Variants in NEK1 observed in about 807,000 individuals in gnomAD.
NEK1 encodes the protein NIMA related kinase 1.
Under a neutral mutation model 182.1 loss-of-function variants are expected in NEK1, and 137 were observed. That is an observed-to-expected ratio of 0.75 (90% CI 0.65 to 0.87). The LOEUF (loss-of-function observed/expected upper bound fraction) is 0.87, where lower values mean the gene tolerates loss of function less well. Ranked by LOEUF, NEK1 falls within the 40% of genes least tolerant of loss-of-function variation. NEK1 has a pLI of 0.00. For synonymous variants in NEK1, 513 were observed against 492.2 expected (o/e 1.04, Z -0.56); for missense variants, 1,391 against 1,494.4 (o/e 0.93, Z 1.14).
At chr4:169,450,596 C>G (rs4619852) in intron 27 of NEK1, among the ~76,000 whole-genome samples, 27,936 of 151,904 alleles carry the variant, frequency 0.18, 3,724 homozygotes, top group African/African-American at 0.38. Context: ...ATAAGTGAAG[C>G]AGAAATAAAA....
intron 2 of NEK1, among the ~76,000 whole-genome samples, chr4:169,606,412 A>C (rs1482640826): frequency 6.6e-6 from 1 of 151,972 alleles, no homozygotes; most frequent in Non-Finnish European, 1.5e-5. Flanking sequence ...CAACTGACTT[A>C]GGAGAATAGA....
At chr4:169,596,974 T>C (rs1253721765) in intron 5 of NEK1, among the ~76,000 whole-genome samples, 1 of 151,912 alleles carries the variant, frequency 6.6e-6, no homozygotes, top group Non-Finnish European at 1.5e-5. Context: ...GAAGACAAGA[T>C]ACACACACAC....
At chr4:169,417,667 T>C (rs192704904) in intron 31 of NEK1, among the ~76,000 whole-genome samples, 1 of 152,344 alleles carries the variant, frequency 6.6e-6, no homozygotes, top group South Asian at 2.1e-4. Context: ...ATTTATCTTC[T>C]GGAGACTTCC....
At chr4:169,429,918 T>A (rs1376730994) in intron 29 of NEK1, among the ~76,000 whole-genome samples, 2 of 152,198 alleles carry the variant, frequency 1.3e-5, no homozygotes, top group African/African-American at 4.8e-5. Flanking sequence ...AAAAATTTTT[T>A]ATTTAGGTCT....
At chr4:169,452,741 T>G (rs1242066564) in intron 27 of NEK1, among the ~76,000 whole-genome samples, 1 of 152,212 alleles carries the variant, frequency 6.6e-6, no homozygotes, top group Non-Finnish European at 1.5e-5. Context: ...GCATTCCCTT[T>G]GAAAACTGGC....
chr4:169,478,253 A>C (rs1450454716), intron 24 of NEK1: 1 of 152,140 alleles, frequency 6.6e-6, no homozygotes, highest in Non-Finnish European at 1.5e-5. Context: ...CCGTTCAGTT[A>C]TATGGATTAC....
rs72692966 is a variant in NEK1 at position 169,579,101 on chromosome 4, T to G, written c.868+1741A>C. 3.6e-3 allele frequency among the ~76,000 whole-genome samples: 545 copies of G among 152,302 alleles called. 3 individuals carry two copies. Among genetic ancestry groups the G allele is most frequent in the South Asian group, 0.022 (104 of 4,822 alleles). ...CAAATATGAACAGTCCCATCTACTT[T>G]CCAGAGAAAAGAAAGAATTACTTAT... On this transcript the variant is annotated intron_variant, in intron 11 of 35. Coordinates refer to ENST00000507142, the MANE Select transcript of NEK1 (RefSeq NM_001199397.3).
intron 5 of NEK1, among the ~76,000 whole-genome samples, chr4:169,591,691 TA>T (rs765740415): frequency 7.9e-5 from 12 of 151,552 alleles, no homozygotes; most frequent in Non-Finnish European, 1.8e-4. Context: ...AAAAAAATAA[TA>T]AAAGAAAACA....
At chr4:169,557,871 C>T (rs113324536) in intron 16 of NEK1, among the ~76,000 whole-genome samples, 10,873 of 152,178 alleles carry the variant, frequency 0.071, 1,274 homozygotes, top group African/African-American at 0.25. Flanking sequence ...GTCAAGGCTA[C>T]AGTGAGTCAT....
At chr4:169,433,809 G>T (rs898096285) in intron 28 of NEK1, 144 bp from the exon 29 acceptor site, 25 of 750,016 alleles carry the variant, frequency 3.3e-5, no homozygotes, top group Middle Eastern at 3.8e-4. Flanking sequence ...TCTCTATAGG[G>T]TTTAACTCTT....
At chr4:169,456,353 A>G (rs1390559850) in intron 27 of NEK1, among the ~76,000 whole-genome samples, 1 of 152,152 alleles carries the variant, frequency 6.6e-6, no homozygotes, top group Non-Finnish European at 1.5e-5. Context: ...AGAAGAAAAG[A>G]AATAATAAAG....
In NEK1 at chr4:169,477,206, A is replaced by T. The variant is rs368611367; in HGVS notation, c.2352T>A (p.Asp784Glu). ...EHEKEKSVSS[D>E]RKKWEAGGQL... ...GACCTCCTGCCTCCCACTTCTTGCG[A>T]TCAGATGAAACTGATTTTTCTTTTT... The change falls in exon 26 of 36, where the codon GAT (aspartate) becomes GAA (glutamate). Residue 784 changes from aspartate to glutamate, a missense_variant. Coordinates refer to ENST00000507142, the MANE Select transcript of NEK1 (RefSeq NM_001199397.3). 7.5e-6 allele frequency: 12 copies of T among 1,607,780 alleles called. No individual in the cohort carries two copies. Among genetic ancestry groups the T allele is most frequent in the Non-Finnish European group, 9.3e-6 (11 of 1,176,724 alleles).
At chr4:169,585,649 G>A in intron 9 of NEK1, 100 bp from the exon 10 acceptor site, 2 of 699,186 alleles carry the variant, frequency 2.9e-6, no homozygotes, top group Non-Finnish European at 2.3e-6. Flanking sequence ...ATATAGAATA[G>A]AAACACAATC....
intron 35 of NEK1, among the ~76,000 whole-genome samples, chr4:169,396,613 C>T (rs577272185): frequency 2.6e-4 from 39 of 152,172 alleles, no homozygotes; most frequent in Admixed American, 5.2e-4. Flanking sequence ...ACTTTATCAA[C>T]GGCTGAAGAT....
intron 19 of NEK1, among the ~76,000 whole-genome samples, chr4:169,527,494 G>T (rs781503433): frequency 2.0e-5 from 3 of 152,020 alleles, no homozygotes; most frequent in African/African-American, 7.2e-5. Flanking sequence ...GTCTGCTAAC[G>T]TAATACAAGA....
intron 18 of NEK1, among the ~76,000 whole-genome samples, chr4:169,544,611 T>G (rs1222857134): frequency 1.1e-4 from 16 of 146,442 alleles, no homozygotes; most frequent in South Asian, 2.2e-4. Flanking sequence ...TTTTTTTTTT[T>G]TTTTTTTTTT....
chr4:169,452,495 A>C (rs928676922), intron 27 of NEK1, among the ~76,000 whole-genome samples: 9 of 152,218 alleles, frequency 5.9e-5, no homozygotes, highest in Non-Finnish European at 1.3e-4. Context: ...CCTGGGATGC[A>C]AGTCTGGTTC....
intron 11 of NEK1, among the ~76,000 whole-genome samples, chr4:169,580,494 C>CAAAA (rs11348370): frequency 7.6e-5 from 5 of 65,818 alleles, no homozygotes; most frequent in Non-Finnish European, 1.2e-4. Flanking sequence ...AACTTCATCT[C>CAAAA]AAAAAAAAAA....
intron 28 of NEK1, among the ~76,000 whole-genome samples, chr4:169,437,000 T>A (rs1738532842): frequency 6.6e-6 from 1 of 152,184 alleles, no homozygotes; most frequent in Non-Finnish European, 1.5e-5. Flanking sequence ...AAGCACTGTG[T>A]AAGCTCAGAC....
Sources: allele counts gnomAD v4.1 joint callset (sites outside exome capture counted in the v4.1 genomes callset), GRCh38; gene constraint gnomAD v4.1.1; transcripts MANE v1.5; gene names NCBI Gene and HGNC (gene_info 2026-07-23, HGNC 2026-07-21).